CWF19L2: variants seen among roughly 807,000 people sequenced by gnomAD.
CWF19L2 encodes the protein CWF19 like cell cycle control factor 2, also known as CWF19-like protein 2.
A neutral mutation model predicts 111.7 loss-of-function variants in CWF19L2; 98 were observed. The observed-to-expected ratio is 0.88, with a 90% CI of 0.75 to 1.04. The LOEUF is 1.04. CWF19L2 is among the 50% of genes least tolerant of loss of function. The probability of loss-of-function intolerance (pLI) is 0.00; values close to 1 mark genes in which losing one functional copy is unlikely to be tolerated. For synonymous variants in CWF19L2, 351 were observed against 342.9 expected (o/e 1.02, Z -0.26); for missense variants, 1,101 against 1,051.4 (o/e 1.05, Z -0.65).
chr11:107,424,429 T>C (rs181644110), intron 8 of CWF19L2, among the ~76,000 whole-genome samples: 2 of 148,020 alleles, frequency 1.4e-5, no homozygotes, highest in Admixed American at 1.4e-4. Context: ...TCTACTAAAA[T>C]CTGGCTTCTA....
At chr11:107,450,663 C>T (rs368521826) in intron 3 of CWF19L2, among the ~76,000 whole-genome samples, 1 of 151,960 alleles carries the variant, frequency 6.6e-6, no homozygotes, top group Non-Finnish European at 1.5e-5. Context: ...AAAAAAGGTA[C>T]ATTAAAACTA....
At position 107,439,151 on chromosome 11, in the gene CWF19L2, G is replaced by A. The variant is rs2135418710; in HGVS notation, c.603C>T (p.Tyr201=). The A allele has an allele frequency of 6.2e-7, 1 of 1,608,640 alleles. No individual in the cohort carries two copies. Among genetic ancestry groups the A allele is most frequent in the Non-Finnish European group, 8.5e-7 (1 of 1,176,920 alleles). ...GAAGACCTGTCCCACCATCCTTCCA[G>A]TACGGATTCAATTCTCTTTCCATCA... The part of the protein sequence containing the change: ...SKLMERELNP[Y]WKDGGTGLPP... Residue 201 remains tyrosine, a synonymous_variant, in exon 6 of 18, where the codon TAC becomes TAT. Coordinates refer to ENST00000282251, the MANE Select transcript of CWF19L2 (RefSeq NM_152434.3).
chr11:107,355,917 C>T (rs74346769), intron 12 of CWF19L2, among the ~76,000 whole-genome samples: 8,906 of 152,108 alleles, frequency 0.059, 528 homozygotes, highest in African/African-American at 0.14. Context: ...CACCCAACAG[C>T]GCAAAATATA....
At chr11:107,455,900 C>A (rs1861847685) in intron 1 of CWF19L2, 124 bp from the exon 2 acceptor site, 1 of 575,566 alleles carries the variant, frequency 1.7e-6, no homozygotes, top group Admixed American at 3.3e-5. Flanking sequence ...AATGTCTATT[C>A]CTTGCCAGGG....
At chr11:107,380,830 A>C (rs532277482) in intron 12 of CWF19L2, among the ~76,000 whole-genome samples, 2 of 152,360 alleles carry the variant, frequency 1.3e-5, no homozygotes, top group South Asian at 4.1e-4. Context: ...GTCCATGAAC[A>C]AATGAATGGA....
intron 1 of CWF19L2, 87 bp downstream of exon 1, chr11:107,457,625 G>C (rs1861874061): frequency 1.1e-6 from 1 of 938,792 alleles, no homozygotes; most frequent in African/African-American, 1.6e-5. Flanking sequence ...TACTGACGAG[G>C]TAAGGGAAGG....
intron 14 of CWF19L2, among the ~76,000 whole-genome samples, chr11:107,344,423 T>G (rs1860048656): frequency 6.6e-6 from 1 of 152,232 alleles, no homozygotes. Flanking sequence ...GATGACAATT[T>G]CTCTTTGTTT....
chr11:107,329,421 G>C (rs1859810155), intron 17 of CWF19L2, among the ~76,000 whole-genome samples: 1 of 152,110 alleles, frequency 6.6e-6, no homozygotes, highest in East Asian at 1.9e-4. Flanking sequence ...GAGAAAATTG[G>C]TTCTCTAGTT....
rs1453831484 is a variant in CWF19L2 at position 107,392,795 on chromosome 11, C to G, written c.1718G>C (p.Arg573Thr). 2 of 1,586,830 alleles carry G rather than the reference C, an allele frequency of 1.3e-6. No homozygotes were observed. Among genetic ancestry groups the G allele is most frequent in the African/African-American group, 2.7e-5 (2 of 73,300 alleles). Residue 573 changes from arginine to threonine, a missense_variant, in exon 11 of 18, where the codon AGA (arginine) becomes ACA (threonine). Coordinates refer to ENST00000282251, the MANE Select transcript of CWF19L2 (RefSeq NM_152434.3). ...TAAACATACCATCTGTCTCTTTCTT[C>G]TTCCTCCTTGTGATTCCAGAGATTT... is the stretch of plus-strand genomic sequence containing the variant. ...PGKSLESQGG[R>T]RKRQMVSTHE...
chr11:107,391,673 T>C (rs954661748), intron 11 of CWF19L2, among the ~76,000 whole-genome samples: 1 of 152,234 alleles, frequency 6.6e-6, no homozygotes, highest in African/African-American at 2.4e-5. Context: ...ATCTTTCCAA[T>C]GCTGCTCTCA....
intron 12 of CWF19L2, among the ~76,000 whole-genome samples, chr11:107,360,883 C>A (rs1348383672): frequency 6.6e-6 from 1 of 152,156 alleles, no homozygotes; most frequent in Non-Finnish European, 1.5e-5. Flanking sequence ...GGATATTAGA[C>A]CCTTGACAAA....
intron 17 of CWF19L2, among the ~76,000 whole-genome samples, chr11:107,328,391 C>A (rs59811569): frequency 0.012 from 1,894 of 152,250 alleles, 24 homozygotes; most frequent in South Asian, 0.039. Context: ...TGTCTTACAT[C>A]TACCATATAA....
chr11:107,347,257 T>G (rs1004030872), intron 14 of CWF19L2, among the ~76,000 whole-genome samples: 2 of 152,222 alleles, frequency 1.3e-5, no homozygotes, highest in African/African-American at 4.8e-5. Flanking sequence ...TACTAGATAC[T>G]GGTGATTTTT....
intron 12 of CWF19L2, among the ~76,000 whole-genome samples, chr11:107,370,265 T>C (rs1860488737): frequency 7.3e-6 from 1 of 137,320 alleles, no homozygotes; most frequent in African/African-American, 2.9e-5. Flanking sequence ...TAAACAGATA[T>C]GCTCAATAAA....
chr11:107,410,126 G>T (rs1038166943), intron 10 of CWF19L2, among the ~76,000 whole-genome samples: 5 of 152,098 alleles, frequency 3.3e-5, no homozygotes, highest in African/African-American at 1.2e-4. Context: ...AACGAGCTAA[G>T]CAATGAAAGA....
intron 7 of CWF19L2, among the ~76,000 whole-genome samples, chr11:107,430,378 A>G (rs1234305110): frequency 6.6e-6 from 1 of 152,158 alleles, no homozygotes; most frequent in Non-Finnish European, 1.5e-5. Context: ...TTAAATTTTG[A>G]AAACAAAATT....
At chr11:107,434,270 G>C (rs1053455133) in intron 6 of CWF19L2, among the ~76,000 whole-genome samples, 7 of 151,952 alleles carry the variant, frequency 4.6e-5, no homozygotes, top group African/African-American at 1.7e-4. Context: ...AGGAGGCTAT[G>C]GAAGATAATG....
chr11:107,351,379 G>A (rs1660049915), intron 13 of CWF19L2, among the ~76,000 whole-genome samples: 1 of 152,132 alleles, frequency 6.6e-6, no homozygotes, highest in Non-Finnish European at 1.5e-5. Flanking sequence ...GACTATGGGA[G>A]GGTTAGTGTT....
At chr11:107,446,957 C>T (rs1192342512) in intron 3 of CWF19L2, among the ~76,000 whole-genome samples, 2 of 152,146 alleles carry the variant, frequency 1.3e-5, no homozygotes, top group Non-Finnish European at 2.9e-5. Flanking sequence ...GCCTTCAGGG[C>T]TCTCCTTCTC....
Sources: gnomAD v4.1 joint callset for allele counts (sites outside exome capture counted in the v4.1 genomes callset) on GRCh38, gnomAD v4.1.1 for gene constraint, MANE v1.5 for transcripts, NCBI Gene and HGNC (gene_info 2026-07-23, HGNC 2026-07-21) for gene names.